The following ABCA6 variants were observed in gnomAD, a reference collection of about 807,000 sequenced individuals.
ABCA6 encodes the protein ATP binding cassette subfamily A member 6.
A neutral mutation model predicts 191.2 loss-of-function variants in ABCA6; 164 were observed. The observed-to-expected ratio is 0.86, with a 90% CI of 0.76 to 0.98. ABCA6 has a LOEUF of 0.98. ABCA6 is among the 50% of genes least tolerant of loss of function. The probability of loss-of-function intolerance (pLI) is 0.00; values close to 1 mark genes in which losing one functional copy is unlikely to be tolerated. For synonymous variants in ABCA6, 636 were observed against 647.7 expected (o/e 0.98, Z 0.27); for missense variants, 1,958 against 1,894.1 (o/e 1.03, Z -0.63).
At chr17:69,103,488 A>T (rs1275269953) in intron 20 of ABCA6, among the ~76,000 whole-genome samples, 1 of 152,178 alleles carries the variant, frequency 6.6e-6, no homozygotes, top group Non-Finnish European at 1.5e-5. Flanking sequence ...CTTTCTTAGG[A>T]AATGAAAAAG....
At chr17:69,137,723 T>A (rs968307439) in intron 2 of ABCA6, among the ~76,000 whole-genome samples, 2 of 152,128 alleles carry the variant, frequency 1.3e-5, no homozygotes, top group African/African-American at 2.4e-5. Context: ...TTGCATTAAA[T>A]CATGAACTCC....
At chr17:69,123,446 G>A in intron 9 of ABCA6, 39 bp from the exon 10 acceptor site, 1 of 1,360,252 alleles carries the variant, frequency 7.4e-7, no homozygotes. Context: ...ATCAGTAATA[G>A]TAAAAGAATG....
At chr17:69,091,031 C>T (rs1329395245) in intron 26 of ABCA6, 112 bp downstream of exon 26, 2 of 1,089,524 alleles carry the variant, frequency 1.8e-6, no homozygotes. Context: ...TCTCTTATGC[C>T]CATTTGCTGT....
In ABCA6 at chr17:69,140,590, A is replaced by G; in HGVS notation, c.96+18T>C. 6.4e-7 allele frequency: 1 copy of G among 1,556,426 alleles called. No individual in the cohort carries two copies. The highest frequency in any genetic ancestry group is 8.7e-7 in the Non-Finnish European group (1 of 1,144,932). On this transcript the variant is annotated intron_variant, in intron 2 of 38. Coordinates refer to ENST00000284425, the MANE Select transcript of ABCA6 (RefSeq NM_080284.3). ...GTAAGAGTGCTAACCGTGGAAAGAG[A>G]CAAATTTTTAAACATACCAATAAGC...
In ABCA6 at chr17:69,128,757, G is replaced by C; in HGVS notation, c.981C>G (p.Leu327=). The change falls in exon 8 of 39, where the codon CTC becomes CTG. Residue 327 remains leucine (L), a synonymous_variant. Coordinates refer to ENST00000284425, the MANE Select transcript of ABCA6 (RefSeq NM_080284.3). The stretch of plus-strand genomic sequence containing the variant: ...TAAGGAGAAACACAACCAAATTGGT[G>C]AGGACAGCTTTCTTTAACAGCACAC... ...LMSVLLKKAV[L]TNLVVFLLTL... 6.2e-7 allele frequency: 1 copy of C among 1,611,778 alleles called. No homozygotes were observed.
In ABCA6 at chr17:69,140,084, A is replaced by G. The variant is rs972891603; in HGVS notation, c.96+524T>C. Among the ~76,000 whole-genome samples, 3 of 152,072 alleles carry G rather than the reference A, an allele frequency of 2.0e-5. No individual in the cohort carries two copies. In the East Asian group the frequency reaches 5.8e-4, roughly 29 times the overall value. On this transcript the variant is annotated intron_variant, in intron 2 of 38. Coordinates refer to ENST00000284425, the MANE Select transcript of ABCA6 (RefSeq NM_080284.3). ...GCACATTGTGCACATGTACCCTAAAACTTAAAGTATAATAATAATAAAAAA... is the reference window on the plus strand; with the variant it reads ...GCACATTGTGCACATGTACCCTAAAGCTTAAAGTATAATAATAATAAAAAA...
chr17:69,105,408 A>C, intron 20 of ABCA6, 54 bp downstream of exon 20: 1 of 1,484,042 alleles, frequency 6.7e-7, no homozygotes, highest in Non-Finnish European at 9.1e-7. Context: ...CTCCTGTGCT[A>C]TTCAACAATA....
chr17:69,109,140 C>T (rs1337916453), intron 17 of ABCA6: 1 of 151,874 alleles, frequency 6.6e-6, no homozygotes, highest in Admixed American at 6.6e-5. Flanking sequence ...CTAATGAAAC[C>T]GAATTATGCA....
chr17:69,085,855 C>T (rs551178643), intron 30 of ABCA6, 139 bp from the exon 31 acceptor site: 27 of 604,310 alleles, frequency 4.5e-5, no homozygotes, highest in Non-Finnish European at 6.7e-5. Context: ...ATGTAATCCA[C>T]GTCACCAAAG....
rs2073055156 is a variant in ABCA6, at chr17:69,096,797, T to A, written c.3125A>T (p.Asn1042Ile). The change falls in exon 24 of 39, where the codon AAT becomes ATT. Residue 1042 changes from asparagine (N) to isoleucine (I), a missense_variant. By Grantham distance (149) the Asn-to-Ile change is moderately radical. Coordinates refer to ENST00000284425, the MANE Select transcript of ABCA6 (RefSeq NM_080284.3). ...TGAAATCCATAGCTGGGACTTAGCA[T>A]TTTTCTGATTAAAAAAAAAAAGAAA... ...TMGSISDYKK[N>I]AKSQLWISGL... The A allele has an allele frequency of 2.6e-6, 4 of 1,521,612 alleles. No homozygotes were observed. The highest frequency in any genetic ancestry group is 2.6e-5 in the Admixed American group (1 of 39,152). The allele number at this position is 1,521,612 out of a possible 1,614,324, so 94.3% of individuals were successfully genotyped here.
chr17:69,093,945 A>G (rs1400167832), intron 25 of ABCA6, among the ~76,000 whole-genome samples: 1 of 152,238 alleles, frequency 6.6e-6, no homozygotes, highest in Non-Finnish European at 1.5e-5. Context: ...TATTTTGAAC[A>G]GTCTTTGTTT....
chr17:69,082,151 C>T (rs748266207), intron 36 of ABCA6, among the ~76,000 whole-genome samples: 3 of 152,154 alleles, frequency 2.0e-5, no homozygotes, highest in Admixed American at 6.5e-5. Context: ...GGGAATGGGA[C>T]AAAGTTACAT....
intron 17 of ABCA6, 196 bp downstream of exon 17, chr17:69,110,605 C>T: frequency 1.8e-6 from 1 of 563,334 alleles, no homozygotes; most frequent in Non-Finnish European, 3.0e-6. Context: ...TCTCTCCTGT[C>T]CCCATTATCT....
intron 2 of ABCA6, among the ~76,000 whole-genome samples, chr17:69,139,848 C>T (rs1227027359): frequency 1.4e-5 from 2 of 146,354 alleles, no homozygotes; most frequent in African/African-American, 5.1e-5. Context: ...ATTGCAAGGA[C>T]AAAAAACCAA....
At chr17:69,107,577 C>A (rs1242107838) in intron 18 of ABCA6, 119 bp downstream of exon 18, 4 of 739,768 alleles carry the variant, frequency 5.4e-6, no homozygotes, top group African/African-American at 3.6e-5. Flanking sequence ...AACAGCAGAG[C>A]CAAATTTGGA....
At chr17:69,141,653 A>G (rs1410778008) in intron 1 of ABCA6, 92 bp downstream of exon 1, 1 of 152,112 alleles carries the variant, frequency 6.6e-6, no homozygotes, top group Admixed American at 6.6e-5. Context: ...CATAAAACAC[A>G]TAAGAATTGG....
rs780027121 is a variant in ABCA6 at position 69,105,625 on chromosome 17, T to C, written c.2577A>G (p.Leu859=). The change falls in exon 20 of 39, where the codon TTA becomes TTG. Residue 859 remains leucine (L), a synonymous_variant. Coordinates refer to ENST00000284425, the MANE Select transcript of ABCA6 (RefSeq NM_080284.3). Reference sequence around the variant, plus strand: ...GGAATATTGCGATTCCAAATACCAATAATCTAAACAATAAAGAAAAATTAG... The same window carrying C: ...GGAATATTGCGATTCCAAATACCAACAATCTAAACAATAAAGAAAAATTAG... The part of the protein sequence containing the change: ...KRQTKVLLTL[L]LVFGIAIFPL... 14 of 1,469,384 alleles carry C rather than the reference T, an allele frequency of 9.5e-6. No individual in the cohort carries two copies. Among genetic ancestry groups the C allele is most frequent in the Admixed American group, 2.0e-5 (1 of 49,964 alleles). 91.0% of individuals were successfully genotyped at this position (1,469,384 alleles called of 1,614,324 possible).
chr17:69,096,072 G>A (rs1340008613), intron 25 of ABCA6, among the ~76,000 whole-genome samples, 168 bp downstream of exon 25: 1 of 152,110 alleles, frequency 6.6e-6, no homozygotes, highest in Non-Finnish European at 1.5e-5. Flanking sequence ...GATTTCTTTA[G>A]AAATATTATT....
chr17:69,114,441 C>A lies in ABCA6; in HGVS notation c.1782+321G>T, dbSNP rs1433125804. Among the ~76,000 whole-genome samples the A allele has an allele frequency of 3.3e-5, 5 of 151,628 alleles. No homozygotes were observed. The East Asian group carries it at 5.9e-4, about 18-fold the overall frequency. ...GGGTGGGGGGAGGGGAGAGGGATAG[C>A]ATTAGGAGATATACCTAATGTTAAA... On this transcript the variant is annotated intron_variant, in intron 13 of 38. Transcript: ENST00000284425.
Sources: allele counts gnomAD v4.1 joint callset (sites outside exome capture counted in the v4.1 genomes callset), GRCh38; gene constraint gnomAD v4.1.1; transcripts MANE v1.5; gene names NCBI Gene and HGNC (gene_info 2026-07-23, HGNC 2026-07-21).